Variants in CSMD2 observed in about 807,000 individuals in gnomAD.
CSMD2 encodes the protein CUB and Sushi multiple domains 2.
In CSMD2, 130 loss-of-function variants were observed where a neutral mutation model predicts 398.5. The observed-to-expected ratio is 0.33, with a 90% CI of 0.28 to 0.38. The LOEUF is 0.38. Among genes scored for constraint, CSMD2 ranks in the 10% least tolerant of loss-of-function variants. The pLI, the probability that CSMD2 is intolerant of heterozygous loss-of-function variation, is 1.00. For missense variants in CSMD2, 3,829 were observed against 4,764.9 expected, an observed-to-expected ratio of 0.80 and a Z score of 5.78; for synonymous variants, 1,828 against 1,908.5, an observed-to-expected ratio of 0.96 and a Z score of 1.10.
intron 3 of CSMD2, among the ~76,000 whole-genome samples, chr1:33,952,348 A>G (rs547058618): frequency 3.3e-5 from 5 of 152,230 alleles, no homozygotes; most frequent in Non-Finnish European, 7.3e-5. Flanking sequence ...GTGATGGTGG[A>G]TAATCTTCAA....
chr1:33,886,316 G>A (rs1641589636), intron 5 of CSMD2, among the ~76,000 whole-genome samples: 1 of 152,174 alleles, frequency 6.6e-6, no homozygotes, highest in Non-Finnish European at 1.5e-5. Context: ...AGACAAGCAG[G>A]AGGCTGCTTC....
chr1:33,700,755 C>G (rs1550544), intron 22 of CSMD2, 82 bp from the exon 23 acceptor site: 507,343 of 1,388,542 alleles, frequency 0.37, 97,118 homozygotes, highest in Middle Eastern at 0.49. Context: ...ACAACCCACA[C>G]TCCTGGAGTT....
At chr1:34,051,258 C>A (rs1653139488) in intron 2 of CSMD2, among the ~76,000 whole-genome samples, 1 of 152,198 alleles carries the variant, frequency 6.6e-6, no homozygotes, top group Admixed American at 6.5e-5. Flanking sequence ...TAGGTCACCC[C>A]ACGTGGTAAA....
chr1:33,960,419 C>T (rs887756456), intron 3 of CSMD2, among the ~76,000 whole-genome samples: 1 of 152,206 alleles, frequency 6.6e-6, no homozygotes, highest in Non-Finnish European at 1.5e-5. Context: ...GACTTGGAAC[C>T]CTGATGCTCT....
At chr1:34,100,220 T>C (rs777933033) in intron 1 of CSMD2, among the ~76,000 whole-genome samples, 2 of 152,178 alleles carry the variant, frequency 1.3e-5, no homozygotes, top group Non-Finnish European at 2.9e-5. Flanking sequence ...TATGCATAGA[T>C]ATGCACATAC....
intron 10 of CSMD2, among the ~76,000 whole-genome samples, chr1:33,796,846 C>T (rs989698479): frequency 6.6e-6 from 1 of 151,974 alleles, no homozygotes; most frequent in Non-Finnish European, 1.5e-5. Context: ...TAATTAAGAC[C>T]CTGGGAAAGG....
chr1:33,909,661 T>A (rs888045641), intron 5 of CSMD2, among the ~76,000 whole-genome samples: 1 of 152,072 alleles, frequency 6.6e-6, no homozygotes, highest in Non-Finnish European at 1.5e-5. Context: ...ACAGTGACCA[T>A]AATGAAGGAG....
chr1:33,824,949 G>A (rs1658615585), intron 7 of CSMD2, among the ~76,000 whole-genome samples: 1 of 152,150 alleles, frequency 6.6e-6, no homozygotes, highest in Non-Finnish European at 1.5e-5. Flanking sequence ...CTGCTTTTAA[G>A]CCCAGTCTTG....
At chr1:33,772,515 G>A (rs1299193532) in intron 13 of CSMD2, 54 bp downstream of exon 13, 21 of 1,540,428 alleles carry the variant, frequency 1.4e-5, no homozygotes, top group Middle Eastern at 2.3e-4. Flanking sequence ...GCTAGGAAAC[G>A]GGCCCCTGCC....
intron 12 of CSMD2, among the ~76,000 whole-genome samples, chr1:33,780,398 C>T (rs928606585): frequency 2.6e-5 from 4 of 152,132 alleles, no homozygotes; most frequent in African/African-American, 7.2e-5. Flanking sequence ...CCTATGGGGA[C>T]TGATGTGTTT....
In CSMD2 at chr1:34,079,522, C is replaced by G. The variant is rs192546143; in HGVS notation, c.404+9455G>C. On this transcript the variant is annotated intron_variant, in intron 2 of 70. Coordinates refer to ENST00000373381, the MANE Select transcript of CSMD2 (RefSeq NM_001281956.2). ...ATTTCCATGTCAAGATGAAGAGGAA[C>G]GATAACATGTTAAACTCTGCCTTGC... Among the ~76,000 whole-genome samples, 10 of 152,138 alleles carry G rather than the reference C, an allele frequency of 6.6e-5. No homozygotes were observed. In the East Asian group the frequency reaches 1.3e-3, roughly 21 times the overall value.
intron 5 of CSMD2, among the ~76,000 whole-genome samples, chr1:33,890,181 T>C (rs1005864950): frequency 1.3e-5 from 2 of 151,852 alleles, no homozygotes; most frequent in Non-Finnish European, 2.9e-5. Flanking sequence ...ACTCGTCTGC[T>C]TTTGTGGGGA....
intron 5 of CSMD2, among the ~76,000 whole-genome samples, chr1:33,914,812 T>C (rs567182195): frequency 6.6e-6 from 1 of 152,358 alleles, no homozygotes; most frequent in East Asian, 1.9e-4. Context: ...AGGACAACAC[T>C]TCCAATTGAT....
chr1:34,098,701 A>G (rs1405122660), intron 1 of CSMD2, among the ~76,000 whole-genome samples: 1 of 152,140 alleles, frequency 6.6e-6, no homozygotes, highest in East Asian at 1.9e-4. Context: ...TGCTGGATCA[A>G]CTAATAAACT....
At chr1:33,592,417 C>G in intron 44 of CSMD2, 2 of 716,044 alleles carry the variant, frequency 2.8e-6, no homozygotes, top group South Asian at 3.0e-5. Flanking sequence ...CACCTCTGGT[C>G]CAAGCTTCTG....
At chr1:33,721,673 C>T (rs1214201165) in intron 19 of CSMD2, among the ~76,000 whole-genome samples, 3 of 152,208 alleles carry the variant, frequency 2.0e-5, no homozygotes, top group Non-Finnish European at 4.4e-5. Flanking sequence ...CCCTGACCAC[C>T]TGGCTAGTCT....
rs1398926524 is a variant in CSMD2, at chr1:34,130,355, G to A, written c.187+34556C>T. On this transcript the variant is annotated intron_variant, in intron 1 of 70. Transcript: ENST00000373381. ...GAAGATGGGAGAGAGAGCATTCCAG[G>A]CAGAAAAAAACAGCAGGAAGAAATG... Among the ~76,000 whole-genome samples the A allele has an allele frequency of 6.5e-5, 6 of 92,808 alleles. No individual in the cohort carries two copies. The Admixed American group carries it at 1.0e-3, about 16-fold the overall frequency. The allele number at this position is 92,808 out of a possible 152,430, so 60.9% of individuals were successfully genotyped here.
In CSMD2 at chr1:33,572,652, A is replaced by T. The variant is rs756506303; in HGVS notation, c.7616T>A (p.Met2539Lys). Residue 2539 changes from methionine (M) to lysine (K), a missense_variant, in exon 50 of 71, where the codon ATG becomes AAG. Coordinates refer to ENST00000373381, the MANE Select transcript of CSMD2 (RefSeq NM_001281956.2). ...CGLPEAPKNG[M>K]VFGKEYTVGT... ...CACTGTGTACTCCTTGCCAAACACC[A>T]TTCCATTCTTGGGGGCCTCAGGAAG... 1.9e-6 allele frequency: 3 copies of T among 1,613,438 alleles called. No individual in the cohort carries two copies. The highest frequency in any genetic ancestry group is 2.7e-5 in the African/African-American group (2 of 74,912).
At chr1:33,935,548 G>A (rs1644452019) in intron 4 of CSMD2, among the ~76,000 whole-genome samples, 1 of 152,092 alleles carries the variant, frequency 6.6e-6, no homozygotes, top group Non-Finnish European at 1.5e-5. Flanking sequence ...AAAAAATGAG[G>A]GAGTGCACAC....
Sources: gnomAD v4.1 joint callset for allele counts (sites outside exome capture counted in the v4.1 genomes callset) on GRCh38, gnomAD v4.1.1 for gene constraint, MANE v1.5 for transcripts, NCBI Gene and HGNC (gene_info 2026-07-23, HGNC 2026-07-21) for gene names.